The following PTPRM variants were observed in gnomAD, a reference collection of about 807,000 sequenced individuals.
PTPRM encodes the protein protein tyrosine phosphatase receptor type M, also known as receptor-type tyrosine-protein phosphatase mu.
In PTPRM, 47 loss-of-function variants were observed where a neutral mutation model predicts 186.7. The ratio of observed to expected loss-of-function variants is 0.25; its 90% CI spans 0.20 to 0.32. The LOEUF (loss-of-function observed/expected upper bound fraction) is 0.32, where lower values mean the gene tolerates loss of function less well. Ranked by LOEUF, PTPRM falls within the 10% of genes least tolerant of loss-of-function variation. The pLI is 1.00. For missense variants in PTPRM, 1,494 were observed against 1,865.0 expected (o/e 0.80, Z 3.66); for synonymous variants, 668 against 674.9 (o/e 0.99, Z 0.16).
intron 1 of PTPRM, chr18:7,755,370 A>AT (rs1450940218): frequency 1.3e-5 from 2 of 152,196 alleles, no homozygotes; most frequent in African/African-American, 4.8e-5. Context: ...CAGCATGTTT[A>AT]TATAGTGAGG....
intron 3 of PTPRM, among the ~76,000 whole-genome samples, chr18:7,895,206 G>A (rs2049291793): frequency 6.6e-6 from 1 of 152,050 alleles, no homozygotes; most frequent in South Asian, 2.1e-4. Context: ...TAGTGATTAG[G>A]GGTAATTAGG....
chr18:8,034,471 A>C (rs1319463105), intron 7 of PTPRM, among the ~76,000 whole-genome samples: 1 of 152,208 alleles, frequency 6.6e-6, no homozygotes, highest in Admixed American at 6.5e-5. Context: ...AAACTAAAAA[A>C]AAAGTTATCT....
intron 19 of PTPRM, among the ~76,000 whole-genome samples, chr18:8,274,771 G>C (rs773417778): frequency 4.6e-5 from 7 of 152,178 alleles, no homozygotes; most frequent in Non-Finnish European, 7.4e-5. Flanking sequence ...GAGCCAGAGT[G>C]GATAAGAGTC....
chr18:8,119,942 A>T (rs2092109021), intron 13 of PTPRM, among the ~76,000 whole-genome samples: 1 of 152,066 alleles, frequency 6.6e-6, no homozygotes, highest in African/African-American at 2.4e-5. Flanking sequence ...TTTCATTATA[A>T]AAGAGAATAT....
chr18:7,663,499 C>A (rs1430489576), intron 1 of PTPRM, among the ~76,000 whole-genome samples: 1 of 152,116 alleles, frequency 6.6e-6, no homozygotes, highest in Non-Finnish European at 1.5e-5. Context: ...TTTTGTTGCA[C>A]AATCAGCCAC....
chr18:7,837,105 A>G (rs184038937), intron 2 of PTPRM, among the ~76,000 whole-genome samples: 135 of 152,228 alleles, frequency 8.9e-4, no homozygotes, highest in African/African-American at 2.7e-3. Flanking sequence ...CCTCTTCTTT[A>G]AAGGCCAGCA....
intron 7 of PTPRM, among the ~76,000 whole-genome samples, chr18:8,011,890 C>G (rs1264408230): frequency 2.6e-5 from 4 of 152,214 alleles, no homozygotes; most frequent in Non-Finnish European, 5.9e-5. Flanking sequence ...TAGTACTTAC[C>G]TTAAAATCAT....
chr18:7,934,259 TA>T (rs1050105559), intron 5 of PTPRM, among the ~76,000 whole-genome samples: 1 of 152,174 alleles, frequency 6.6e-6, no homozygotes, highest in African/African-American at 2.4e-5. Flanking sequence ...TTAATTTTCT[TA>T]AAAAAACTTA....
At chr18:7,624,130 C>G (rs146554192) in intron 1 of PTPRM, among the ~76,000 whole-genome samples, 151 of 152,266 alleles carry the variant, frequency 9.9e-4, no homozygotes, top group African/African-American at 3.5e-3. Flanking sequence ...ATAAGGTCTC[C>G]TGAAGCAAAG....
chr18:8,376,352 A>C (rs1379705805), intron 25 of PTPRM, 110 bp from the exon 26 acceptor site: 1 of 1,561,084 alleles, frequency 6.4e-7, no homozygotes, highest in East Asian at 2.3e-5. Flanking sequence ...TGTACCTTTT[A>C]AGAGGTTTAA....
chr18:8,009,533 C>A (rs1364753153), intron 7 of PTPRM, among the ~76,000 whole-genome samples: 1 of 151,992 alleles, frequency 6.6e-6, no homozygotes, highest in African/African-American at 2.4e-5. Flanking sequence ...TGTGGTGAGA[C>A]CCCGTCTCTA....
At chr18:7,673,347 G>A (rs1352953759) in intron 1 of PTPRM, among the ~76,000 whole-genome samples, 1 of 152,202 alleles carries the variant, frequency 6.6e-6, no homozygotes, top group African/African-American at 2.4e-5. Flanking sequence ...GTATTTTGTG[G>A]CCTTAAAGGA....
chr18:8,405,449 T>G (rs1242165803), intron 32 of PTPRM, among the ~76,000 whole-genome samples: 2 of 152,158 alleles, frequency 1.3e-5, no homozygotes, highest in Non-Finnish European at 2.9e-5. Context: ...ATCAGTTCCG[T>G]CCTCTGGGGA....
intron 11 of PTPRM, among the ~76,000 whole-genome samples, chr18:8,100,190 G>A (rs2091227713): frequency 6.6e-6 from 1 of 152,088 alleles, no homozygotes; most frequent in African/African-American, 2.4e-5. Context: ...CCAGGCTGGA[G>A]GGCAGTGGCG....
At chr18:7,827,062 A>G (rs946101822) in intron 2 of PTPRM, among the ~76,000 whole-genome samples, 2 of 152,222 alleles carry the variant, frequency 1.3e-5, no homozygotes, top group Non-Finnish European at 2.9e-5. Context: ...TGATCATGCC[A>G]TTGTACCCCA....
At chr18:8,239,772 A>C (rs182009568) in intron 14 of PTPRM, among the ~76,000 whole-genome samples, 1 of 152,206 alleles carries the variant, frequency 6.6e-6, no homozygotes, top group Admixed American at 6.5e-5. Flanking sequence ...GTTAGGAAAA[A>C]GTTATGACTT....
chr18:8,200,976 TATTA>T (rs1195197797), intron 14 of PTPRM, among the ~76,000 whole-genome samples: 1 of 152,218 alleles, frequency 6.6e-6, no homozygotes, highest in African/African-American at 2.4e-5. Context: ...TTTTTTCTCC[TATTA>T]ATTAATATGA....
intron 5 of PTPRM, among the ~76,000 whole-genome samples, chr18:7,948,409 G>A (rs80327499): frequency 0.083 from 12,658 of 152,142 alleles, 554 homozygotes; most frequent in South Asian, 0.17. Flanking sequence ...AAGCCACGAG[G>A]TTTGAGGCTT....
At chr18:8,305,632 A>G (rs2095213460) in intron 20 of PTPRM, among the ~76,000 whole-genome samples, 1 of 152,230 alleles carries the variant, frequency 6.6e-6, no homozygotes, top group African/African-American at 2.4e-5. Flanking sequence ...GTGCTCCACT[A>G]CACAGAAATA....
Sources: gnomAD v4.1 joint callset for allele counts (sites outside exome capture counted in the v4.1 genomes callset) on GRCh38, gnomAD v4.1.1 for gene constraint, MANE v1.5 for transcripts, NCBI Gene and HGNC (gene_info 2026-07-23, HGNC 2026-07-21) for gene names.